KATNIP: variants seen among roughly 807,000 people sequenced by gnomAD.
KATNIP encodes the protein katanin-interacting protein.
In KATNIP, 126 loss-of-function variants were observed where a neutral mutation model predicts 174.0. The ratio of observed to expected loss-of-function variants is 0.72; its 90% confidence interval spans 0.63 to 0.84. KATNIP has a LOEUF of 0.84. Among genes scored for constraint, KATNIP ranks in the 40% least tolerant of loss-of-function variants. The probability of loss-of-function intolerance (pLI) is 0.00; values close to 1 mark genes in which losing one functional copy is unlikely to be tolerated. For synonymous variants in KATNIP, 810 were observed against 835.7 expected, an observed-to-expected ratio of 0.97 and a Z score of 0.53; for missense variants, 1,958 against 2,109.7, an observed-to-expected ratio of 0.93 and a Z score of 1.41.
At chr16:27,589,056 C>T (rs921092424) in intron 2 of KATNIP, among the ~76,000 whole-genome samples, 12 of 151,162 alleles carry the variant, frequency 7.9e-5, no homozygotes, top group Non-Finnish European at 1.6e-4. Flanking sequence ...ACCACCACTC[C>T]AGCTAATTTT....
chr16:27,730,625 A>C (rs1219607382), intron 14 of KATNIP, among the ~76,000 whole-genome samples: 4 of 152,148 alleles, frequency 2.6e-5, no homozygotes, highest in Non-Finnish European at 5.9e-5. Flanking sequence ...TCTTGTTACA[A>C]ACCTGCCTTT....
At chr16:27,634,370 G>C (rs573363366) in intron 5 of KATNIP, among the ~76,000 whole-genome samples, 1 of 152,310 alleles carries the variant, frequency 6.6e-6, no homozygotes, top group East Asian at 1.9e-4. Flanking sequence ...TGCTTACGAA[G>C]TCCTTGGGCT....
At chr16:27,596,484 C>A (rs1250055943) in intron 2 of KATNIP, among the ~76,000 whole-genome samples, 1 of 152,096 alleles carries the variant, frequency 6.6e-6, no homozygotes, top group Non-Finnish European at 1.5e-5. Context: ...ATCCAGGGCT[C>A]AGGGAGAAAA....
At chr16:27,733,032 G>A (rs866789308) in intron 14 of KATNIP, among the ~76,000 whole-genome samples, 22 of 152,302 alleles carry the variant, frequency 1.4e-4, no homozygotes, top group Admixed American at 3.3e-4. Context: ...TTGCCTTAAC[G>A]GACCCACCTT....
At chr16:27,569,698 G>A (rs1033503070) in intron 1 of KATNIP, among the ~76,000 whole-genome samples, 5 of 152,294 alleles carry the variant, frequency 3.3e-5, no homozygotes, top group Middle Eastern at 3.4e-3. Context: ...AGCTGTCTTC[G>A]CATCGAGCTA....
chr16:27,605,125 G>A (rs1446319392), intron 2 of KATNIP, among the ~76,000 whole-genome samples: 1 of 152,074 alleles, frequency 6.6e-6, no homozygotes, highest in Admixed American at 6.5e-5. Flanking sequence ...TGGAGATGGG[G>A]TTTCACCATG....
Position 27,681,509 on chromosome 16 carries a change from G to A in KATNIP, c.919G>A (p.Asp307Asn), listed in dbSNP as rs200726783. The A allele has an allele frequency of 1.5e-4, 236 of 1,614,076 alleles. 2 individuals are homozygous for A. Among genetic ancestry groups the A allele is most frequent in the South Asian group, 4.4e-4 (40 of 91,078 alleles). The change falls in exon 8 of 28, where the codon GAC becomes AAC. Residue 307 changes from aspartate to asparagine, a missense_variant. By Grantham distance (23) the Asp-to-Asn change is conservative. This residue lies in a region of KATNIP where 1,557 missense variants were observed against 1,617.8 expected (regional missense o/e 0.96). Coordinates refer to ENST00000261588, the MANE Select transcript of KATNIP (RefSeq NM_015202.5). ...LTPQAPAVFP[D>N]QERMCSRPGS... ...TCCCCAAGCTCCTGCTGTATTCCCA[G>A]ACCAGGAGAGGATGTGCTCCAGTAA...
intron 5 of KATNIP, among the ~76,000 whole-genome samples, chr16:27,633,301 AG>A (rs2076543651): frequency 6.6e-6 from 1 of 151,990 alleles, no homozygotes; most frequent in South Asian, 2.1e-4. Flanking sequence ...ATAGATGCTC[AG>A]GCCCCACCCC....
chr16:27,629,087 A>G (rs2076414171), intron 4 of KATNIP, among the ~76,000 whole-genome samples: 1 of 151,736 alleles, frequency 6.6e-6, no homozygotes, highest in Non-Finnish European at 1.5e-5. Context: ...AGAATCACTT[A>G]AACCTGGGAG....
chr16:27,755,526 T>G (rs2081688725), intron 18 of KATNIP: 1 of 152,270 alleles, frequency 6.6e-6, no homozygotes, highest in South Asian at 2.1e-4. Context: ...GGGATGGCCC[T>G]TTGGGGTCAT....
chr16:27,663,095 A>G (rs578013591), intron 6 of KATNIP, among the ~76,000 whole-genome samples: 1 of 143,930 alleles, frequency 6.9e-6, no homozygotes, highest in Admixed American at 6.9e-5. Flanking sequence ...GACCTCCACC[A>G]CTGTAACCTG....
chr16:27,739,255 T>A (rs1055141372), intron 14 of KATNIP, among the ~76,000 whole-genome samples: 3 of 152,064 alleles, frequency 2.0e-5, no homozygotes, highest in Non-Finnish European at 4.4e-5. Context: ...AAGAGAGGGA[T>A]CAAGGGGGCC....
intron 6 of KATNIP, among the ~76,000 whole-genome samples, chr16:27,657,613 A>C (rs1238536471): frequency 6.6e-6 from 1 of 151,564 alleles, no homozygotes; most frequent in African/African-American, 2.4e-5. Context: ...AAAACAAAAC[A>C]AACAAAAAAA....
rs536210280 is a variant in KATNIP at position 27,697,339 on chromosome 16, A to G, written c.941-989A>G. Among the ~76,000 whole-genome samples the G allele has an allele frequency of 2.6e-5, 4 of 152,174 alleles. No individual in the cohort carries two copies. In the East Asian group the frequency reaches 7.7e-4, roughly 29 times the overall value. On this transcript the variant is annotated intron_variant, in intron 8 of 27. Transcript: ENST00000261588. ...TCTATCTGTTAGATTTTTACTTTTC[A>G]ATAGCCATTCTGATTGGTGTGAGAT... is the stretch of plus-strand genomic sequence containing the variant.
chr16:27,698,579 G>C, intron 9 of KATNIP, 79 bp downstream of exon 9: 1 of 1,405,036 alleles, frequency 7.1e-7, no homozygotes, highest in Non-Finnish European at 9.5e-7. Context: ...AGAAGAGCAA[G>C]TGTGCAGAAG....
chr16:27,703,951 C>G lies in KATNIP; in HGVS notation c.1342C>G (p.Leu448Val), dbSNP rs780370585. Residue 448 changes from leucine to valine, a missense_variant, in exon 12 of 28, where the codon CTC (leucine) becomes GTC (valine). This residue lies in a region of KATNIP where 1,557 missense variants were observed against 1,617.8 expected (regional missense o/e 0.96). Transcript: ENST00000261588. ...LQAVESDSAH[L>V]GRVVSPTKEQ... The stretch of plus-strand genomic sequence containing the variant: ...GGCCGTCGAAAGTGACTCTGCCCAT[C>G]TCGGCAGGGTGGTTTCACCAACCAA... The G allele has an allele frequency of 1.4e-5, 22 of 1,614,128 alleles. No homozygotes were observed. The South Asian group carries it at 2.2e-4, about 16-fold the overall frequency.
intron 5 of KATNIP, among the ~76,000 whole-genome samples, chr16:27,631,669 T>A (rs1357598622): frequency 6.6e-6 from 1 of 152,132 alleles, no homozygotes; most frequent in African/African-American, 2.4e-5. Context: ...CCCCTTTGGA[T>A]GTGGCCACTC....
chr16:27,730,648 G>T (rs1158173330), intron 14 of KATNIP, among the ~76,000 whole-genome samples: 2 of 152,148 alleles, frequency 1.3e-5, no homozygotes, highest in African/African-American at 4.8e-5. Context: ...AAACATTGAG[G>T]TTCAGCTTAA....
intron 14 of KATNIP, among the ~76,000 whole-genome samples, chr16:27,737,064 G>A (rs1451869624): frequency 6.6e-6 from 1 of 152,170 alleles, no homozygotes; most frequent in Non-Finnish European, 1.5e-5. Context: ...ACTAAGTGTG[G>A]AGAAAGTGAT....
Sources: gnomAD v4.1 joint callset for allele counts (sites outside exome capture counted in the v4.1 genomes callset) on GRCh38, gnomAD v4.1.1 for gene constraint, gnomAD v4.1.1 regional missense constraint, MANE v1.5 for transcripts, NCBI Gene and HGNC (gene_info 2026-07-23, HGNC 2026-07-21) for gene names.